LEPR: variants seen among roughly 807,000 people sequenced by gnomAD.
LEPR encodes the protein leptin receptor.
In LEPR, 56 loss-of-function variants were observed where a neutral mutation model predicts 114.7. That is an observed-to-expected ratio of 0.49 (90% CI 0.39 to 0.61). The LOEUF (loss-of-function observed/expected upper bound fraction) is 0.61. LEPR is among the 20% of genes least tolerant of loss of function. The pLI is 0.00. For missense variants in LEPR, 1,202 were observed against 1,352.9 expected (o/e 0.89, Z 1.75); for synonymous variants, 443 against 461.4 (o/e 0.96, Z 0.51).
At chr1:65,494,403 G>A (rs879069308) in intron 2 of LEPR, among the ~76,000 whole-genome samples, 3 of 151,998 alleles carry the variant, frequency 2.0e-5, no homozygotes, top group Admixed American at 2.0e-4. Flanking sequence ...GAGGGCTTAC[G>A]TCTCTTATAG....
At chr1:65,626,434 G>A in intron 19 of LEPR, 1 of 489,130 alleles carries the variant, frequency 2.0e-6, no homozygotes, top group Non-Finnish European at 2.7e-6. Flanking sequence ...TTTAAGCACA[G>A]CTAACCCACA....
intron 2 of LEPR, among the ~76,000 whole-genome samples, chr1:65,539,103 A>AT (rs907396579): frequency 6.4e-5 from 7 of 109,336 alleles, no homozygotes; most frequent in Admixed American, 2.0e-4. Context: ...TTAATTATGC[A>AT]TTTTTTTTAA....
At chr1:65,617,471 AG>A (rs1385532297) in intron 15 of LEPR, among the ~76,000 whole-genome samples, 7 of 152,236 alleles carry the variant, frequency 4.6e-5, no homozygotes, top group African/African-American at 1.7e-4. Context: ...AAGAAAGACC[AG>A]GGTGGCTTTG....
intron 2 of LEPR, among the ~76,000 whole-genome samples, chr1:65,528,263 TGAA>T (rs1278157294): frequency 6.6e-6 from 1 of 152,084 alleles, no homozygotes; most frequent in African/African-American, 2.4e-5. Context: ...GAGTTAAAAA[TGAA>T]GAAAAAGGCT....
chr1:65,436,440 T>G (rs1001969810), intron 2 of LEPR, among the ~76,000 whole-genome samples: 4 of 152,236 alleles, frequency 2.6e-5, no homozygotes, highest in African/African-American at 7.2e-5. Context: ...TACTAGTGGA[T>G]TTAGGCAGCC....
chr1:65,507,437 T>TTGTGTGTGTGTG (rs141990947), intron 2 of LEPR, among the ~76,000 whole-genome samples: 69 of 138,804 alleles, frequency 5.0e-4, no homozygotes, highest in African/African-American at 1.5e-3. Flanking sequence ...TAGTATTCCA[T>TTGTGTGTGTGTG]TGTGTGTGTG....
At chr1:65,535,163 A>T (rs897933649) in intron 2 of LEPR, among the ~76,000 whole-genome samples, 4 of 152,070 alleles carry the variant, frequency 2.6e-5, no homozygotes, top group South Asian at 4.1e-4. Flanking sequence ...GTGTGTGTGT[A>T]TAAACACAGA....
chr1:65,555,730 T>C (rs1246426005), intron 2 of LEPR, among the ~76,000 whole-genome samples: 1 of 152,194 alleles, frequency 6.6e-6, no homozygotes, highest in African/African-American at 2.4e-5. Context: ...TCTGCCATGA[T>C]AGAGAACTTT....
At chr1:65,531,134 T>C (rs2100619053) in intron 2 of LEPR, among the ~76,000 whole-genome samples, 1 of 152,274 alleles carries the variant, frequency 6.6e-6, no homozygotes, top group South Asian at 2.1e-4. Flanking sequence ...ACTTTACCTG[T>C]CTGGTCTCAT....
intron 2 of LEPR, among the ~76,000 whole-genome samples, chr1:65,529,944 A>G (rs1295566536): frequency 6.6e-6 from 1 of 151,876 alleles, no homozygotes; most frequent in African/African-American, 2.4e-5. Context: ...TTTTTTCTCC[A>G]TGCTTTTTGA....
chr1:65,510,468 T>G (rs1412602885), intron 2 of LEPR, among the ~76,000 whole-genome samples: 2 of 152,276 alleles, frequency 1.3e-5, no homozygotes, highest in East Asian at 3.9e-4. Flanking sequence ...ACTTAGGTAA[T>G]GCAGCAGCAC....
chr1:65,499,379 T>C (rs549349300), intron 2 of LEPR, among the ~76,000 whole-genome samples: 2 of 152,256 alleles, frequency 1.3e-5, no homozygotes, highest in South Asian at 4.1e-4. Context: ...TCATTTAATA[T>C]GTTTTCTGAA....
chr1:65,454,068 G>A (rs1427543127), intron 2 of LEPR, among the ~76,000 whole-genome samples: 1 of 150,696 alleles, frequency 6.6e-6, no homozygotes, highest in Non-Finnish European at 1.5e-5. Context: ...ATCTTTGTTG[G>A]TTTAAAGTCT....
rs1032292370 is a variant in LEPR, at chr1:65,637,565, A to G, written c.*550A>G. 8 of 152,436 alleles carry G rather than the reference A, an allele frequency of 5.2e-5. No homozygotes were observed. Among genetic ancestry groups the G allele is most frequent in the African/African-American group, 1.9e-4 (8 of 41,456 alleles). The allele number at this position is 152,436 out of a possible 1,614,324, so 9.4% of individuals were successfully genotyped here. ...GTTATGTACCAAATCTAAGATATGT[A>G]CCATAGAATGAAATAACCTGCAAGA... On this transcript the variant is annotated 3_prime_UTR_variant, in exon 20 of 20. Transcript: ENST00000349533.
chr1:65,506,516 C>G (rs1269600705), intron 2 of LEPR, among the ~76,000 whole-genome samples: 1 of 152,178 alleles, frequency 6.6e-6, no homozygotes, highest in Non-Finnish European at 1.5e-5. Flanking sequence ...TGCAGTGTGA[C>G]AGTGACTTAG....
At chr1:65,525,403 G>A (rs148273456) in intron 2 of LEPR, among the ~76,000 whole-genome samples, 1 of 152,216 alleles carries the variant, frequency 6.6e-6, no homozygotes, top group African/African-American at 2.4e-5. Flanking sequence ...CTGGGCTCTC[G>A]GCCTCCCTGC....
intron 2 of LEPR, among the ~76,000 whole-genome samples, chr1:65,489,379 ATTTT>A (rs963243255): frequency 1.3e-5 from 2 of 152,032 alleles, no homozygotes; most frequent in Non-Finnish European, 2.9e-5. Flanking sequence ...GTTGTTGAGT[ATTTT>A]TTTATATACC....
intron 1 of LEPR, among the ~76,000 whole-genome samples, chr1:65,422,149 G>C (rs985223799): frequency 1.3e-5 from 2 of 152,194 alleles, no homozygotes; most frequent in African/African-American, 4.8e-5. Context: ...TTATTTGGAA[G>C]TAGTATCTTT....
At chr1:65,524,291 ACACCTGTC>A (rs1364217625) in intron 2 of LEPR, among the ~76,000 whole-genome samples, 1 of 152,164 alleles carries the variant, frequency 6.6e-6, no homozygotes, top group African/African-American at 2.4e-5. Context: ...TCCAATAGAG[ACACCTGTC>A]TGTCTGTTGA....
Sources: gnomAD v4.1 joint callset for allele counts (sites outside exome capture counted in the v4.1 genomes callset) on GRCh38, gnomAD v4.1.1 for gene constraint, MANE v1.5 for transcripts, NCBI Gene and HGNC (gene_info 2026-07-23, HGNC 2026-07-21) for gene names.